The following ZNF554 variants were observed in gnomAD, a reference collection of about 807,000 sequenced individuals.
The protein encoded by ZNF554 is zinc finger protein 554.
In ZNF554, 15 loss-of-function variants were observed where a neutral mutation model predicts 21.2. The ratio of observed to expected loss-of-function variants is 0.71; its 90% CI spans 0.47 to 1.09. The LOEUF (loss-of-function observed/expected upper bound fraction) is 1.09, where lower values mean the gene tolerates loss of function less well. Ranked by LOEUF, ZNF554 falls within the 50% of genes least tolerant of loss-of-function variation. ZNF554 has a pLI of 0.00. For missense variants in ZNF554, 691 were observed against 662.7 expected, an observed-to-expected ratio of 1.04 and a Z score of -0.47; for synonymous variants, 258 against 251.4, an observed-to-expected ratio of 1.03 and a Z score of -0.25.
Position 2,834,125 on chromosome 19 carries a change from T to C in ZNF554, c.890T>C (p.Val297Ala). The change falls in exon 5 of 5, where the codon GTG becomes GCG. Residue 297 changes from valine to alanine, a missense_variant. By Grantham distance (64) the Val-to-Ala change is moderately conservative. Coordinates refer to ENST00000317243, the MANE Select transcript of ZNF554 (RefSeq NM_001102651.2). ...ATTCAACACGGGGGGAAGATGTTTG[T>C]GTATTTGGAAAATGGGCAGTCATTG... Reference protein sequence around the residue: ...HFIQHGGKMFVYLENGQSLNH... With the variant: ...HFIQHGGKMFAYLENGQSLNH... 1.2e-6 allele frequency: 2 copies of C among 1,614,060 alleles called. No individual in the cohort carries two copies. The highest frequency in any genetic ancestry group is 1.7e-6 in the Non-Finnish European group (2 of 1,180,030).
rs770550422 is a variant in ZNF554 at position 2,832,487 on chromosome 19, C to A, written c.438C>A (p.Ser146=). Residue 146 remains serine (S), a synonymous_variant, in exon 4 of 5, where the codon TCC becomes TCA. Coordinates refer to ENST00000317243, the MANE Select transcript of ZNF554 (RefSeq NM_001102651.2). The stretch of plus-strand genomic sequence containing the variant: ...AGGAAAAAGGAACTCCTCAAGCCTC[C>A]TGTTCAGGTGAGAATCAGGCAGATA... ...WIEEKGTPQA[S]CSDWMTVLRN... The A allele has an allele frequency of 4.5e-5, 72 of 1,600,428 alleles. No individual in the cohort carries two copies. Among genetic ancestry groups the A allele is most frequent in the Non-Finnish European group, 5.7e-5 (67 of 1,175,394 alleles).
rs117667239 is a variant in ZNF554 at position 2,823,521 on chromosome 19, C to G, written c.126+409C>G. The stretch of plus-strand genomic sequence containing the variant: ...CCTCCCTGTTGGCAGGTTGTCTGGT[C>G]GAGTGTTCAGCTCTCAGCAGAGAGG... On this transcript the variant is annotated intron_variant, in intron 2 of 4. Transcript: ENST00000317243. Among the ~76,000 whole-genome samples the G allele has an allele frequency of 1.2e-3, 182 of 152,228 alleles. 2 individuals are homozygous for G. In the East Asian group the frequency reaches 0.031, roughly 26 times the overall value.
In ZNF554 at chr19:2,835,722, C is replaced by T. The variant is rs2087490667; in HGVS notation, c.*870C>T. On this transcript the variant is annotated 3_prime_UTR_variant, in exon 5 of 5. Transcript: ENST00000317243. The stretch of plus-strand genomic sequence containing the variant: ...TCATGGATGGGATCTTGCCAAGAAC[C>T]ATCACGTGTTAATTTAGTTGCTTAA... The T allele has an allele frequency of 6.6e-6, 1 of 152,234 alleles. No individual in the cohort carries two copies. The highest frequency in any genetic ancestry group is 6.5e-5 in the Admixed American group (1 of 15,272). 9.4% of individuals were successfully genotyped at this position (152,234 alleles called of 1,614,324 possible). A position where few individuals can be genotyped will look rare whatever the true frequency, so the allele number is the denominator to read the frequency against.
chr19:2,824,624 T>C (rs2087305162), intron 2 of ZNF554, among the ~76,000 whole-genome samples: 2 of 152,244 alleles, frequency 1.3e-5, no homozygotes, highest in South Asian at 4.1e-4. Context: ...ACACATGAAA[T>C]ACATATGAAC....
intron 3 of ZNF554, among the ~76,000 whole-genome samples, chr19:2,828,769 G>T (rs960904714): frequency 4.6e-5 from 7 of 152,022 alleles, no homozygotes; most frequent in African/African-American, 1.4e-4. Context: ...CACGGCAGAA[G>T]GGGAAGCAGG....
chr19:2,826,022 T>G (rs777219886), intron 2 of ZNF554, among the ~76,000 whole-genome samples: 8 of 151,798 alleles, frequency 5.3e-5, no homozygotes, highest in Non-Finnish European at 1.0e-4. Context: ...TGCCTCAGCC[T>G]CCCGAGTAGC....
intron 2 of ZNF554, among the ~76,000 whole-genome samples, chr19:2,827,080 T>C (rs1338802482): frequency 6.6e-6 from 1 of 152,174 alleles, no homozygotes; most frequent in Non-Finnish European, 1.5e-5. Flanking sequence ...CCATCCTGCT[T>C]TTTGTTGGGT....
chr19:2,835,060 G>A lies in ZNF554; in HGVS notation c.*208G>A, dbSNP rs925003167. 2.6e-5 allele frequency: 14 copies of A among 539,232 alleles called. No homozygotes were observed. The highest frequency in any genetic ancestry group is 3.8e-5 in the African/African-American group (2 of 52,820). 33.4% of individuals were successfully genotyped at this position (539,232 alleles called of 1,614,324 possible). A position where few individuals can be genotyped will look rare whatever the true frequency, so the allele number is the denominator to read the frequency against. ...GCCACCCAGGCTGGAGTCCAGTGGC[G>A]TGATCATACCTCACTGCAGCTTCAA... On this transcript the variant is annotated 3_prime_UTR_variant, in exon 5 of 5. Coordinates refer to ENST00000317243, the MANE Select transcript of ZNF554 (RefSeq NM_001102651.2).
intron 2 of ZNF554, among the ~76,000 whole-genome samples, chr19:2,825,556 T>G (rs1192553754): frequency 6.6e-6 from 1 of 152,200 alleles, no homozygotes; most frequent in African/African-American, 2.4e-5. Context: ...AAGGCCAAAG[T>G]GCTGGGATTA....
chr19:2,828,319 C>T (rs951644674), intron 3 of ZNF554, among the ~76,000 whole-genome samples: 17 of 152,172 alleles, frequency 1.1e-4, no homozygotes, highest in Non-Finnish European at 1.2e-4. Flanking sequence ...TTGCATGTCT[C>T]AGCTCAGGCA....
At chr19:2,828,837 A>G (rs1186688002) in intron 3 of ZNF554, among the ~76,000 whole-genome samples, 5 of 152,124 alleles carry the variant, frequency 3.3e-5, no homozygotes, top group Admixed American at 1.3e-4. Flanking sequence ...TTATAAAACC[A>G]TCAGATCTCA....
chr19:2,823,222 A>G (rs2087286110), intron 2 of ZNF554, 110 bp downstream of exon 2: 1 of 1,083,194 alleles, frequency 9.2e-7, no homozygotes, highest in African/African-American at 1.6e-5. Flanking sequence ...AAAGTTCAGG[A>G]GAATTCCCCA....
intron 3 of ZNF554, chr19:2,831,943 T>A (rs1411136765): frequency 6.2e-6 from 1 of 160,938 alleles, no homozygotes; most frequent in East Asian, 1.8e-4. Flanking sequence ...TTTTTTTCTT[T>A]GAGACTGAGT....
In ZNF554 at chr19:2,833,917, C is replaced by A; in HGVS notation, c.682C>A (p.Leu228Met). 6.2e-7 allele frequency: 1 copy of A among 1,614,042 alleles called. No homozygotes were observed. The highest frequency in any genetic ancestry group is 8.5e-7 in the Non-Finnish European group (1 of 1,179,992). The change falls in exon 5 of 5, where the codon CTG (leucine) becomes ATG (methionine). Residue 228 changes from leucine to methionine, a missense_variant. Coordinates refer to ENST00000317243, the MANE Select transcript of ZNF554 (RefSeq NM_001102651.2). Reference protein sequence around the residue: ...AWHGFGENGNLSPALVLSQGS... With the variant: ...AWHGFGENGNMSPALVLSQGS... ...GCATGGATTTGGGGAAAATGGTAAT[C>A]TGAGCCCAGCCCTTGTTTTATCACA... is the stretch of plus-strand genomic sequence containing the variant.
intron 3 of ZNF554, 136 bp from the exon 4 acceptor site, chr19:2,832,167 C>A: frequency 1.4e-6 from 1 of 734,118 alleles, no homozygotes; most frequent in Non-Finnish European, 2.1e-6. Context: ...CTCAGGTGAT[C>A]CGCCTGCCTC....
At chr19:2,823,842 C>T (rs142065800) in intron 2 of ZNF554, among the ~76,000 whole-genome samples, 2 of 152,220 alleles carry the variant, frequency 1.3e-5, no homozygotes, top group African/African-American at 2.4e-5. Flanking sequence ...AAGTGTGTGC[C>T]GACTGGTTCA....
At chr19:2,826,289 C>G (rs1212996922) in intron 2 of ZNF554, 2 of 147,552 alleles carry the variant, frequency 1.4e-5, no homozygotes, top group African/African-American at 5.0e-5. Flanking sequence ...ACTGCAACCT[C>G]TGCCTCCCGG....
In ZNF554 at chr19:2,827,613, C is replaced by G. The variant is rs1187889012; in HGVS notation, c.127-4C>G. The G allele has an allele frequency of 2.5e-6, 4 of 1,612,614 alleles. No individual in the cohort carries two copies. Among genetic ancestry groups the G allele is most frequent in the Non-Finnish European group, 3.4e-6 (4 of 1,179,436 alleles). On this transcript the variant is annotated splice_region_variant and splice_polypyrimidine_tract_variant and intron_variant, in intron 2 of 4. Coordinates refer to ENST00000317243, the MANE Select transcript of ZNF554 (RefSeq NM_001102651.2). ...TCTTGAGCAGAACTGCTGTGATATT[C>G]TAGGAATTAGTAACCTTTGAGGACG... is the stretch of plus-strand genomic sequence containing the variant.
At chr19:2,824,828 G>C (rs550414209) in intron 2 of ZNF554, among the ~76,000 whole-genome samples, 18 of 152,080 alleles carry the variant, frequency 1.2e-4, no homozygotes, top group African/African-American at 4.1e-4. Flanking sequence ...CCAAACTGAA[G>C]CTCTGTCCCC....
Sources: gnomAD v4.1 joint callset for allele counts (sites outside exome capture counted in the v4.1 genomes callset) on GRCh38, gnomAD v4.1.1 for gene constraint, MANE v1.5 for transcripts, NCBI Gene and HGNC (gene_info 2026-07-23, HGNC 2026-07-21) for gene names.